The following RBMS3 variants were observed in gnomAD, a reference collection of about 807,000 sequenced individuals.
RBMS3 encodes RNA binding motif single stranded interacting protein 3.
A neutral mutation model predicts 66.8 loss-of-function variants in RBMS3; 27 were observed. That is an observed-to-expected ratio of 0.40 (90% confidence interval 0.30 to 0.56). The LOEUF (loss-of-function observed/expected upper bound fraction) is 0.56, where lower values mean the gene tolerates loss of function less well. RBMS3 is among the 20% of genes least tolerant of loss of function. RBMS3 has a pLI of 0.40. For synonymous variants in RBMS3, 188 were observed against 183.0 expected, an observed-to-expected ratio of 1.03 and a Z score of -0.22; for missense variants, 513 against 549.5, an observed-to-expected ratio of 0.93 and a Z score of 0.66.
chr3:29,956,039 A>G (rs1696019757), intron 12 of RBMS3, among the ~76,000 whole-genome samples: 2 of 152,050 alleles, frequency 1.3e-5, no homozygotes, highest in African/African-American at 2.4e-5. Context: ...TATTATTTTT[A>G]TCTGTCAAGA....
At chr3:29,702,998 C>T (rs530720852) in intron 4 of RBMS3, among the ~76,000 whole-genome samples, 13 of 152,286 alleles carry the variant, frequency 8.5e-5, no homozygotes, top group Non-Finnish European at 1.5e-4. Flanking sequence ...GTTAAGTGTT[C>T]ATGTTAGCAC....
chr3:29,665,270 C>A (rs933271111), intron 4 of RBMS3, among the ~76,000 whole-genome samples: 24 of 152,214 alleles, frequency 1.6e-4, no homozygotes, highest in Middle Eastern at 3.4e-3. Flanking sequence ...GAAGAATAAC[C>A]AAATTCTACA....
rs75199331 is a variant in RBMS3 at position 29,561,990 on chromosome 3, A to G, written c.308-25124A>G. On this transcript the variant is annotated intron_variant, in intron 3 of 14. Coordinates refer to ENST00000383767, the MANE Select transcript of RBMS3 (RefSeq NM_001003793.3). ...TGGATATAAGACCTTTGTTGGATGC[A>G]TACATATGAGAAACACAGTGTAGTA... Among the ~76,000 whole-genome samples the G allele has an allele frequency of 9.9e-3, 1,509 of 152,228 alleles. 28 individuals are homozygous for G. Among genetic ancestry groups the G allele is most frequent in the African/African-American group, 0.035 (1,454 of 41,540 alleles).
intron 5 of RBMS3, among the ~76,000 whole-genome samples, chr3:29,744,000 G>T (rs745668071): frequency 9.4e-5 from 14 of 148,548 alleles, no homozygotes; most frequent in Admixed American, 4.1e-4. Flanking sequence ...GCGGTGTTTG[G>T]TTTTTTGTCC....
intron 1 of RBMS3, among the ~76,000 whole-genome samples, chr3:29,433,120 T>C (rs950233212): frequency 6.6e-6 from 1 of 152,180 alleles, no homozygotes; most frequent in Non-Finnish European, 1.5e-5. Context: ...TGAGGTTTTT[T>C]TTTTTAGAAT....
chr3:29,859,201 T>C (rs995601980), intron 6 of RBMS3, among the ~76,000 whole-genome samples: 1 of 152,226 alleles, frequency 6.6e-6, no homozygotes, highest in African/African-American at 2.4e-5. Flanking sequence ...TGTTTATTAT[T>C]TTAAAACAAG....
intron 13 of RBMS3, among the ~76,000 whole-genome samples, 187 bp from the exon 14 acceptor site, chr3:29,990,882 TTCTTGGTGTCACA>T (rs1300690692): frequency 1.1e-4 from 17 of 152,314 alleles, no homozygotes; most frequent in African/African-American, 4.1e-4. Context: ...ATGGCAAGGC[TTCTTGGTGTCACA>T]TTAGGATGAA....
intron 10 of RBMS3, among the ~76,000 whole-genome samples, chr3:29,904,075 C>T (rs2060318633): frequency 6.6e-6 from 1 of 151,926 alleles, no homozygotes; most frequent in Admixed American, 6.6e-5. Context: ...AAGGCATTAT[C>T]ACCAAATTTG....
chr3:29,887,399 C>G (rs2149585941), intron 8 of RBMS3, among the ~76,000 whole-genome samples: 2 of 151,824 alleles, frequency 1.3e-5, no homozygotes, highest in African/African-American at 4.8e-5. Context: ...TTCCCCCATG[C>G]TATTCTCATG....
intron 10 of RBMS3, chr3:29,926,987 A>T (rs2060955954): frequency 6.6e-6 from 1 of 152,236 alleles, no homozygotes; most frequent in African/African-American, 2.4e-5. Flanking sequence ...GGCAGTACAC[A>T]TTGGCTGTAA....
At chr3:29,985,399 G>T (rs6792406) in intron 12 of RBMS3, among the ~76,000 whole-genome samples, 1 of 151,468 alleles carries the variant, frequency 6.6e-6, no homozygotes, top group South Asian at 2.1e-4. Flanking sequence ...GTGCCACTGG[G>T]GTATGAAAAA....
At chr3:29,651,306 T>C (rs2050136909) in intron 4 of RBMS3, among the ~76,000 whole-genome samples, 2 of 152,312 alleles carry the variant, frequency 1.3e-5, no homozygotes, top group South Asian at 4.1e-4. Context: ...CTTAGAAAAT[T>C]AGAGAAAACT....
chr3:29,858,795 A>T (rs2059142002), intron 6 of RBMS3, among the ~76,000 whole-genome samples: 1 of 152,244 alleles, frequency 6.6e-6, no homozygotes, highest in Non-Finnish European at 1.5e-5. Context: ...ATTATCAGAG[A>T]ATTGTTACAA....
chr3:29,858,404 G>A (rs2059133628), intron 6 of RBMS3, among the ~76,000 whole-genome samples: 2 of 152,192 alleles, frequency 1.3e-5, no homozygotes, highest in Admixed American at 1.3e-4. Flanking sequence ...GAGGAATGAG[G>A]CAGGATCAGA....
Position 29,783,366 on chromosome 3 carries a change from C to T in RBMS3, c.637+20377C>T, listed in dbSNP as rs180899793. Among the ~76,000 whole-genome samples the T allele has an allele frequency of 5.1e-3, 783 of 152,238 alleles. 11 individuals carry two copies. Among genetic ancestry groups the T allele is most frequent in the Non-Finnish European group, 5.4e-3 (370 of 68,008 alleles). On this transcript the variant is annotated intron_variant, in intron 6 of 14. Transcript: ENST00000383767. The stretch of plus-strand genomic sequence containing the variant: ...AGCAGATTTCTCAGCAGAAATCCTA[C>T]CCGCTAGAAGGGATTGGGGTCCTAT...
chr3:29,991,155 T>G lies in RBMS3; in HGVS notation c.1253T>G (p.Ile418Arg), dbSNP rs1698848426. ...GACACCAGTGGTCAGCAGCAACAGA[T>G]AGCAGTGGACACATCCAACGAACAT... ...SQDTSGQQQQIAVDTSNEHAP... is the reference protein window; with the variant it reads ...SQDTSGQQQQRAVDTSNEHAP... Residue 418 changes from isoleucine to arginine, a missense_variant, in exon 14 of 15, where the codon ATA becomes AGA. Transcript: ENST00000383767. 2 of 1,614,064 alleles carry G rather than the reference T, an allele frequency of 1.2e-6. No homozygotes were observed. The highest frequency in any genetic ancestry group is 1.7e-5 in the Admixed American group (1 of 60,002).
At chr3:29,791,403 G>T (rs549512494) in intron 6 of RBMS3, among the ~76,000 whole-genome samples, 72 of 152,186 alleles carry the variant, frequency 4.7e-4, no homozygotes, top group Non-Finnish European at 8.1e-4. Flanking sequence ...GGAATTTCAG[G>T]ATATCATTAA....
In RBMS3 at chr3:29,739,775, A is replaced by G; in HGVS notation, c.455A>G (p.Asp152Gly). Residue 152 changes from aspartate to glycine, a missense_variant, in exon 5 of 15, where the codon GAT becomes GGT. Transcript: ENST00000383767. ...ATCTCAAATCTCCCCATTTCTATGG[A>G]TGAGCAGGAGCTTGAGAATATGCTG... The part of the protein sequence containing the change: ...LYISNLPISM[D>G]EQELENMLKP... The G allele has an allele frequency of 6.2e-7, 1 of 1,613,204 alleles. No homozygotes were observed. The highest frequency in any genetic ancestry group is 1.1e-5 in the South Asian group (1 of 90,988).
chr3:29,630,617 G>A (rs1008677031), intron 4 of RBMS3, among the ~76,000 whole-genome samples: 2 of 151,872 alleles, frequency 1.3e-5, no homozygotes, highest in African/African-American at 4.8e-5. Flanking sequence ...TATAGCAACT[G>A]GCTTAATCAT....
Sources: allele counts gnomAD v4.1 joint callset (sites outside exome capture counted in the v4.1 genomes callset), GRCh38; gene constraint gnomAD v4.1.1; transcripts MANE v1.5; gene names NCBI Gene and HGNC (gene_info 2026-07-23, HGNC 2026-07-21).